The following DNAH14 variants were observed in gnomAD, a reference collection of about 807,000 sequenced individuals.
The protein encoded by DNAH14 is axonemal beta dynein heavy chain 14.
Under a neutral mutation model 520.9 loss-of-function variants are expected in DNAH14, and 478 were observed. That is an observed-to-expected ratio of 0.92 (90% CI 0.85 to 0.99). The LOEUF (loss-of-function observed/expected upper bound fraction) is 0.99, where lower values mean the gene tolerates loss of function less well. Among genes scored for constraint, DNAH14 ranks in the 50% least tolerant of loss-of-function variants. The pLI is 0.00. For missense variants in DNAH14, 4,831 were observed against 5,234.5 expected, an observed-to-expected ratio of 0.92 and a Z score of 2.38; for synonymous variants, 1,581 against 1,757.2, an observed-to-expected ratio of 0.90 and a Z score of 2.51.
intron 40 of DNAH14, 54 bp downstream of exon 40, chr1:225,206,233 T>C: frequency 7.2e-7 from 1 of 1,398,274 alleles, no homozygotes; most frequent in South Asian, 1.4e-5. Context: ...TTTATGATAG[T>C]AACTATTTAT....
chr1:225,381,641 G>A, intron 81 of DNAH14, 62 bp downstream of exon 81: 1 of 1,287,506 alleles, frequency 7.8e-7, no homozygotes. Context: ...CAAGTTCAAG[G>A]GAATGGTGAA....
chr1:225,108,617 C>A (rs1249546565), intron 23 of DNAH14, among the ~76,000 whole-genome samples: 1 of 152,064 alleles, frequency 6.6e-6, no homozygotes, highest in Admixed American at 6.6e-5. Context: ...AGTTATTAAT[C>A]CCTTGTCAGA....
chr1:225,398,323 T>C (rs1215354564), intron 84 of DNAH14, among the ~76,000 whole-genome samples, 197 bp from the exon 85 acceptor site: 1 of 152,212 alleles, frequency 6.6e-6, no homozygotes, highest in Non-Finnish European at 1.5e-5. Flanking sequence ...AGGATGATTA[T>C]ATAGATACAC....
At chr1:225,061,283 G>A (rs533586819) in intron 17 of DNAH14, among the ~76,000 whole-genome samples, 58 of 152,346 alleles carry the variant, frequency 3.8e-4, no homozygotes, top group Admixed American at 5.2e-4. Context: ...AGCAATGAGC[G>A]TGGCTCCGTG....
rs114841428 is a variant in DNAH14 at position 225,091,690 on chromosome 1, C to T, written c.3574-5428C>T. Among the ~76,000 whole-genome samples the T allele has an allele frequency of 3.4e-3, 514 of 152,098 alleles. 2 individuals are homozygous for T. The highest frequency in any genetic ancestry group is 0.011 in the African/African-American group (472 of 41,518). ...TACACAATCAAGTCTGAATAATACC[C>T]GGCCAACAACACAATGACAGAATCA... On this transcript the variant is annotated intron_variant, in intron 21 of 85. Transcript: ENST00000682510.
rs865809442 is a variant in DNAH14, at chr1:225,074,291, G to T, written c.2425-4916G>T. Among the ~76,000 whole-genome samples, 45 of 152,312 alleles carry T rather than the reference G, an allele frequency of 3.0e-4. 1 individual carries two copies. The highest frequency in any genetic ancestry group is 3.4e-3 in the Middle Eastern group (1 of 294). On this transcript the variant is annotated intron_variant, in intron 17 of 85. Coordinates refer to ENST00000682510, the MANE Select transcript of DNAH14 (RefSeq NM_001367479.1). ...TGGGATTACAGGCGTGAGCCACCGC[G>T]CCCGGCCTGTCTTAGGAAGTTTTTA...
chr1:224,961,375 TG>T (rs1451203735), intron 4 of DNAH14: 1 of 152,188 alleles, frequency 6.6e-6, no homozygotes, highest in Admixed American at 6.6e-5. Flanking sequence ...TGTTATGCAT[TG>T]TATTAGTCCT....
chr1:225,334,183 A>G (rs2094861423), intron 66 of DNAH14, among the ~76,000 whole-genome samples: 1 of 152,224 alleles, frequency 6.6e-6, no homozygotes, highest in African/African-American at 2.4e-5. Flanking sequence ...TCATGCCTGT[A>G]ATGCCAGAAC....
chr1:225,189,840 G>C lies in DNAH14; in HGVS notation c.5671-2856G>C, dbSNP rs7546749. Among the ~76,000 whole-genome samples the C allele has an allele frequency of 5.0e-3, 761 of 151,944 alleles. 5 individuals carry two copies. The highest frequency in any genetic ancestry group is 0.017 in the African/African-American group (718 of 41,490). On this transcript the variant is annotated intron_variant, in intron 37 of 85. Transcript: ENST00000682510. ...TTTTTGCGATTTTATTCTATGTCTT[G>C]TATCTTTTTTGTTTCTCAATTCCTC...
At chr1:225,237,285 T>C (rs935322628) in intron 42 of DNAH14, among the ~76,000 whole-genome samples, 3 of 152,196 alleles carry the variant, frequency 2.0e-5, no homozygotes, top group Admixed American at 2.0e-4. Flanking sequence ...AGTGCTTCCT[T>C]CAGGAGTTCT....
At chr1:225,224,765 A>T (rs914113406) in intron 41 of DNAH14, among the ~76,000 whole-genome samples, 1 of 152,226 alleles carries the variant, frequency 6.6e-6, no homozygotes, top group African/African-American at 2.4e-5. Context: ...CTCATTCTGG[A>T]TTTACTGGCA....
At chr1:225,320,786 A>C (rs1184458084) in intron 61 of DNAH14, among the ~76,000 whole-genome samples, 2 of 152,260 alleles carry the variant, frequency 1.3e-5, no homozygotes, top group African/African-American at 4.8e-5. Context: ...TCTGTGAAGT[A>C]ATAAAGAATT....
chr1:225,002,686 A>G, intron 8 of DNAH14, 97 bp from the exon 9 acceptor site: 3 of 1,150,376 alleles, frequency 2.6e-6, no homozygotes, highest in Non-Finnish European at 2.5e-6. Flanking sequence ...AAACATTTCA[A>G]CTATAAGGAT....
At chr1:225,112,410 A>G (rs1328708239) in intron 23 of DNAH14, among the ~76,000 whole-genome samples, 1 of 151,910 alleles carries the variant, frequency 6.6e-6, no homozygotes, top group Non-Finnish European at 1.5e-5. Flanking sequence ...TTATCCTTGA[A>G]TTTTGGAAGT....
chr1:224,964,346 C>G (rs574322592), intron 4 of DNAH14, 133 bp from the exon 5 acceptor site: 1 of 1,032,180 alleles, frequency 9.7e-7, no homozygotes, highest in African/African-American at 1.7e-5. Context: ...TTTTTCTCCT[C>G]TAATAATCGT....
In DNAH14 at chr1:225,346,114, G is replaced by A. The variant is rs369673460; in HGVS notation, c.10831G>A (p.Ala3611Thr). The A allele has an allele frequency of 7.2e-5, 111 of 1,551,540 alleles. No individual in the cohort carries two copies. Among genetic ancestry groups the A allele is most frequent in the African/African-American group, 6.8e-4 (50 of 73,032 alleles). ...CTATCTCCCCATTGCGACCCGAGGC[G>A]CCCTGCTCTACTTCCTAGTAGCTGA... ...KNYLPIATRG[A>T]LLYFLVADLT... The change falls in exon 70 of 86, where the codon GCC (alanine) becomes ACC (threonine). Residue 3611 changes from alanine to threonine, a missense_variant. By Grantham distance (58) the Ala-to-Thr change is moderately conservative. Transcript: ENST00000682510.
chr1:225,133,780 A>G (rs1036350463), intron 27 of DNAH14, among the ~76,000 whole-genome samples: 1 of 152,148 alleles, frequency 6.6e-6, no homozygotes, highest in Non-Finnish European at 1.5e-5. Flanking sequence ...TGGTAGTTTA[A>G]TGGGAATAGC....
intron 9 of DNAH14, among the ~76,000 whole-genome samples, chr1:225,005,142 T>C (rs532183326): frequency 6.6e-6 from 1 of 152,292 alleles, no homozygotes; most frequent in African/African-American, 2.4e-5. Flanking sequence ...GATTGCCACT[T>C]ATCCAAGTTG....
chr1:225,155,273 A>G (rs16844379), intron 34 of DNAH14, among the ~76,000 whole-genome samples: 5,282 of 152,214 alleles, frequency 0.035, 328 homozygotes, highest in African/African-American at 0.12. Context: ...ATATGTTGCA[A>G]AAGGATCTAT....
Sources: gnomAD v4.1 joint callset for allele counts (sites outside exome capture counted in the v4.1 genomes callset) on GRCh38, gnomAD v4.1.1 for gene constraint, MANE v1.5 for transcripts, NCBI Gene and HGNC (gene_info 2026-07-23, HGNC 2026-07-21) for gene names.